ALK: variants seen among roughly 807,000 people sequenced by gnomAD.
The protein encoded by ALK is ALK receptor tyrosine kinase.
A neutral mutation model predicts 163.1 loss-of-function variants in ALK; 74 were observed. The observed-to-expected ratio is 0.45, with a 90% CI of 0.38 to 0.55. The LOEUF is 0.55. Ranked by LOEUF, ALK falls within the 20% of genes least tolerant of loss-of-function variation. The probability of loss-of-function intolerance (pLI) is 0.00; values close to 1 mark genes in which losing one functional copy is unlikely to be tolerated. For missense variants in ALK, 2,063 were observed against 2,105.3 expected (o/e 0.98, Z 0.39); for synonymous variants, 960 against 843.2 (o/e 1.14, Z -2.40).
chr2:29,820,062 G>A (rs1665008410), intron 1 of ALK, among the ~76,000 whole-genome samples: 1 of 152,182 alleles, frequency 6.6e-6, no homozygotes, highest in Non-Finnish European at 1.5e-5. Context: ...TTCAAGAGAT[G>A]GAGCATAATT....
intron 5 of ALK, among the ~76,000 whole-genome samples, chr2:29,363,421 G>A (rs752790192): frequency 3.9e-5 from 6 of 152,216 alleles, no homozygotes; most frequent in Non-Finnish European, 7.3e-5. Flanking sequence ...CAGCCCCAGA[G>A]AGGTCTGTCT....
intron 3 of ALK, among the ~76,000 whole-genome samples, chr2:29,569,300 G>C (rs79484156): frequency 1.3e-5 from 2 of 151,140 alleles, no homozygotes; most frequent in African/African-American, 2.4e-5. Flanking sequence ...GCTGCAGCAG[G>C]AGCAGCAGCA....
At chr2:29,907,558 A>G (rs914770767) in intron 1 of ALK, among the ~76,000 whole-genome samples, 2 of 152,160 alleles carry the variant, frequency 1.3e-5, no homozygotes, top group Non-Finnish European at 2.9e-5. Context: ...TGATCCACAG[A>G]GGCCTCTGTT....
At chr2:29,638,186 C>A (rs1283084191) in intron 3 of ALK, among the ~76,000 whole-genome samples, 1 of 152,290 alleles carries the variant, frequency 6.6e-6, no homozygotes, top group East Asian at 1.9e-4. Context: ...GAAGCTGGGA[C>A]ACCAGCACCT....
At chr2:29,601,118 TAGA>T (rs1183063733) in intron 3 of ALK, among the ~76,000 whole-genome samples, 1 of 152,246 alleles carries the variant, frequency 6.6e-6, no homozygotes, top group African/African-American at 2.4e-5. Context: ...ATTCCCATTC[TAGA>T]AGAAGTTTCA....
chr2:29,443,300 C>T (rs1164904138), intron 4 of ALK, among the ~76,000 whole-genome samples: 1 of 152,158 alleles, frequency 6.6e-6, no homozygotes, highest in African/African-American at 2.4e-5. Flanking sequence ...TATCTGAGAA[C>T]CAATGAGGAA....
At chr2:29,234,261 A>G (rs1664310044) in intron 13 of ALK, among the ~76,000 whole-genome samples, 1 of 152,160 alleles carries the variant, frequency 6.6e-6, no homozygotes, top group Non-Finnish European at 1.5e-5. Flanking sequence ...TTAGGTGGGT[A>G]GAGAGAATTA....
rs116282735 is a variant in ALK at position 29,721,907 on chromosome 2, C to T, written c.668-4210G>A. On this transcript the variant is annotated intron_variant, in intron 1 of 28. Coordinates refer to ENST00000389048, the MANE Select transcript of ALK (RefSeq NM_004304.5). ...TTGTCTTTGCTCCTGTCTCCACCTTCTTCTTCCCGTGTTCTCTTAAATCCA... is the reference window on the plus strand; with the variant it reads ...TTGTCTTTGCTCCTGTCTCCACCTTTTTCTTCCCGTGTTCTCTTAAATCCA... Among the ~76,000 whole-genome samples the T allele has an allele frequency of 1.5e-3, 231 of 152,390 alleles. 1 individual carries two copies. Among genetic ancestry groups the T allele is most frequent in the African/African-American group, 5.2e-3 (215 of 41,598 alleles).
chr2:29,872,549 C>T (rs1481869684), intron 1 of ALK, among the ~76,000 whole-genome samples: 1 of 152,214 alleles, frequency 6.6e-6, no homozygotes, highest in Non-Finnish European at 1.5e-5. Flanking sequence ...ATACCATAGA[C>T]TGTTGTTTAT....
intron 1 of ALK, among the ~76,000 whole-genome samples, chr2:29,904,684 T>C (rs1667493957): frequency 6.6e-6 from 1 of 152,202 alleles, no homozygotes; most frequent in South Asian, 2.1e-4. Context: ...AGAAAAACTA[T>C]TTTCATATTA....
intron 4 of ALK, among the ~76,000 whole-genome samples, chr2:29,526,726 G>A (rs148589718): frequency 6.6e-6 from 1 of 152,368 alleles, no homozygotes; most frequent in East Asian, 1.9e-4. Context: ...TGACCATGGA[G>A]GCTGAATGCC....
intron 3 of ALK, among the ~76,000 whole-genome samples, chr2:29,689,041 G>A (rs1356713959): frequency 6.6e-6 from 1 of 152,110 alleles, no homozygotes; most frequent in Admixed American, 6.5e-5. Flanking sequence ...CCATCTTACT[G>A]ACAGCCTGTC....
At chr2:29,194,730 C>T (rs1668981625) in intron 28 of ALK, among the ~76,000 whole-genome samples, 1 of 142,106 alleles carries the variant, frequency 7.0e-6, no homozygotes, top group Non-Finnish European at 1.5e-5. Flanking sequence ...GTTGGCCAGG[C>T]TGGTGTCGAA....
In ALK at chr2:29,920,154, T is replaced by C. The variant is rs752129360; in HGVS notation, c.506A>G (p.Asn169Ser). The C allele has an allele frequency of 4.5e-5, 72 of 1,613,666 alleles. 1 individual carries two copies. In the South Asian group the frequency reaches 4.6e-4, roughly 10 times the overall value. The change falls in exon 1 of 29, where the codon AAT (asparagine) becomes AGT (serine). Residue 169 changes from asparagine to serine, a missense_variant. Transcript: ENST00000389048. ...GEAAVGLLQF[N>S]LSELFSWWIR... ...CCACCAACTGAACAGCTCGCTGAGA[T>C]TGAACTGGAGCAGCCCCACAGCCGC...
At chr2:29,679,570 A>C (rs548885027) in intron 3 of ALK, among the ~76,000 whole-genome samples, 2 of 151,784 alleles carry the variant, frequency 1.3e-5, no homozygotes, top group Admixed American at 1.3e-4. Context: ...ATATTACCTA[A>C]TTTTACTAAA....
intron 1 of ALK, among the ~76,000 whole-genome samples, chr2:29,894,833 AACACACACACACACACACAAACAC>A (rs1205957092): frequency 2.0e-5 from 3 of 149,980 alleles, no homozygotes; most frequent in East Asian, 2.0e-4. Flanking sequence ...TGATGCTTCA[AACACACACACACACACACAAACAC>A]ACACACACAC....
chr2:29,604,918 C>G (rs1386562822), intron 3 of ALK, among the ~76,000 whole-genome samples: 1 of 152,228 alleles, frequency 6.6e-6, no homozygotes, highest in Non-Finnish European at 1.5e-5. Flanking sequence ...GGTGAATCCT[C>G]TCTTCAATCA....
intron 3 of ALK, among the ~76,000 whole-genome samples, chr2:29,638,682 T>C (rs1323464569): frequency 6.6e-6 from 1 of 152,152 alleles, no homozygotes; most frequent in African/African-American, 2.4e-5. Context: ...TGGAGTGGCC[T>C]GTTTCTTGCC....
chr2:29,846,468 T>A (rs760650160), intron 1 of ALK, among the ~76,000 whole-genome samples: 1 of 152,248 alleles, frequency 6.6e-6, no homozygotes, highest in Non-Finnish European at 1.5e-5. Context: ...CAAGACCTTG[T>A]CTAGGATGAT....
Sources: allele counts gnomAD v4.1 joint callset (sites outside exome capture counted in the v4.1 genomes callset), GRCh38; gene constraint gnomAD v4.1.1; transcripts MANE v1.5; gene names NCBI Gene and HGNC (gene_info 2026-07-23, HGNC 2026-07-21).